Variants in ABI2 observed in about 807,000 individuals in gnomAD.
The protein encoded by ABI2 is abl interactor 2.
In ABI2, 25 loss-of-function variants were observed where a neutral mutation model predicts 59.2. That is an observed-to-expected ratio of 0.42 (90% confidence interval 0.31 to 0.59). The LOEUF (loss-of-function observed/expected upper bound fraction) is 0.59. Ranked by LOEUF, ABI2 falls within the 20% of genes least tolerant of loss-of-function variation. The pLI is 0.14. For missense variants in ABI2, 545 were observed against 681.8 expected (o/e 0.80, Z 2.23); for synonymous variants, 213 against 235.5 (o/e 0.90, Z 0.87).
chr2:203,335,093 G>A (rs191382650), intron 1 of ABI2, among the ~76,000 whole-genome samples: 6 of 152,142 alleles, frequency 3.9e-5, no homozygotes, highest in Admixed American at 2.0e-4. Flanking sequence ...TTCCAGATAC[G>A]AAGCTCCTAG....
chr2:203,384,310 T>TTTG (rs1559289622), intron 4 of ABI2, among the ~76,000 whole-genome samples: 1 of 139,668 alleles, frequency 7.2e-6, no homozygotes, highest in African/African-American at 2.9e-5. Context: ...TTTTTTTTTT[T>TTTG]TTTTTTTTTT....
At chr2:203,374,045 G>C (rs147497158) in intron 2 of ABI2, among the ~76,000 whole-genome samples, 2 of 152,098 alleles carry the variant, frequency 1.3e-5, no homozygotes, top group Non-Finnish European at 2.9e-5. Flanking sequence ...TGTAGTCCCA[G>C]CTACTCAGGA....
intron 2 of ABI2, among the ~76,000 whole-genome samples, chr2:203,372,119 T>C (rs1440468854): frequency 5.3e-5 from 8 of 151,622 alleles, no homozygotes; most frequent in Non-Finnish European, 1.0e-4. Flanking sequence ...GATTAGGGAG[T>C]GGTGATGACT....
intron 11 of ABI2, among the ~76,000 whole-genome samples, chr2:203,422,353 C>G (rs552343943): frequency 4.6e-4 from 70 of 152,252 alleles, no homozygotes; most frequent in Admixed American, 1.6e-3. Flanking sequence ...CTTAGAAAAT[C>G]TCAGGTACCC....
intron 4 of ABI2, chr2:203,383,359 T>G (rs2096257653): frequency 6.5e-6 from 1 of 154,792 alleles, no homozygotes; most frequent in South Asian, 2.0e-4. Context: ...ATCCTTTTGC[T>G]TGAAATAGGT....
At chr2:203,426,000 G>A (rs542917921) in intron 11 of ABI2, among the ~76,000 whole-genome samples, 84 of 145,580 alleles carry the variant, frequency 5.8e-4, no homozygotes, top group Non-Finnish European at 1.1e-3. Context: ...CAGCCTGGGC[G>A]ATAAGAGTGA....
intron 1 of ABI2, among the ~76,000 whole-genome samples, chr2:203,356,449 A>G (rs1576711171): frequency 6.6e-6 from 1 of 151,768 alleles, no homozygotes; most frequent in Non-Finnish European, 1.5e-5. Context: ...GCTCACTGCA[A>G]CCTCTTCCTC....
chr2:203,356,341 G>C (rs1469597397), intron 1 of ABI2, among the ~76,000 whole-genome samples: 1 of 151,944 alleles, frequency 6.6e-6, no homozygotes, highest in East Asian at 1.9e-4. Flanking sequence ...ATCACACCAG[G>C]CTAATTTTTT....
chr2:203,408,635 T>C (rs17410408), intron 9 of ABI2, among the ~76,000 whole-genome samples: 7,900 of 151,826 alleles, frequency 0.052, 279 homozygotes, highest in Non-Finnish European at 0.082. Flanking sequence ...TCATTTTTTA[T>C]ATTTGGTAGA....
chr2:203,352,644 C>T (rs930258296), intron 1 of ABI2, among the ~76,000 whole-genome samples: 1 of 151,622 alleles, frequency 6.6e-6, no homozygotes, highest in African/African-American at 2.4e-5. Context: ...ATTTTTATTA[C>T]AACAGTCAAA....
At chr2:203,339,108 T>TA in intron 1 of ABI2, among the ~76,000 whole-genome samples, 1 of 148,920 alleles carries the variant, frequency 6.7e-6, no homozygotes, top group Non-Finnish European at 1.5e-5. Flanking sequence ...GTCCAACAGG[T>TA]ATGTGAAAAT....
chr2:203,380,272 A>T lies in ABI2; in HGVS notation c.350A>T (p.Asn117Ile), dbSNP rs747297124. 6.2e-7 allele frequency: 1 copy of T among 1,602,308 alleles called. No homozygotes were observed. Among genetic ancestry groups the T allele is most frequent in the Non-Finnish European group, 8.5e-7 (1 of 1,176,190 alleles). The change falls in exon 3 of 12, where the codon AAC becomes ATC. Residue 117 changes from asparagine (N) to isoleucine (I), a missense_variant. This residue lies in a region of ABI2 where 36 missense variants were observed against 80.0 expected (regional missense o/e 0.45). Coordinates refer to ENST00000261018, the MANE Select transcript of ABI2 (RefSeq NM_001375670.1). ...ATTGGTATTTTGACTACCAATAAAA[A>T]CACTTCAAGGACACATAAGATTATT... ...REIGILTTNKNTSRTHKIIAP... is the reference protein window; with the variant it reads ...REIGILTTNKITSRTHKIIAP...
intron 1 of ABI2, among the ~76,000 whole-genome samples, chr2:203,353,060 T>A (rs921000829): frequency 3.3e-5 from 5 of 152,238 alleles, no homozygotes; most frequent in Non-Finnish European, 5.9e-5. Flanking sequence ...CTCTGTGATG[T>A]TTGCACAGTG....
At chr2:203,408,839 T>G (rs1434918278) in intron 9 of ABI2, among the ~76,000 whole-genome samples, 1 of 85,862 alleles carries the variant, frequency 1.2e-5, no homozygotes, top group African/African-American at 3.4e-5. Context: ...CTTTCTTTTT[T>G]TTTTTTTTTT....
intron 2 of ABI2, among the ~76,000 whole-genome samples, chr2:203,370,931 T>C (rs184704492): frequency 7.5e-4 from 114 of 152,334 alleles, no homozygotes; most frequent in Middle Eastern, 3.4e-3. Context: ...GTAAGAACTT[T>C]ACCACCTTTC....
At chr2:203,393,042 T>C (rs1364780041) in intron 5 of ABI2, among the ~76,000 whole-genome samples, 1 of 152,202 alleles carries the variant, frequency 6.6e-6, no homozygotes, top group African/African-American at 2.4e-5. Flanking sequence ...TAATTTTTAC[T>C]TGGATGCAAC....
intron 4 of ABI2, among the ~76,000 whole-genome samples, 186 bp from the exon 5 acceptor site, chr2:203,390,860 A>G (rs1369105843): frequency 6.6e-6 from 1 of 152,226 alleles, no homozygotes; most frequent in Non-Finnish European, 1.5e-5. Flanking sequence ...CATGTTAGGA[A>G]GAGTCCTTTG....
chr2:203,427,476 T>A lies in ABI2; in HGVS notation c.*124T>A, dbSNP rs2098450055. ...TACAAATGATAAAAATTACACTTTTTTTTTTGGTTTATTCCCCAGTATTAA... is the reference window on the plus strand; with the variant it reads ...TACAAATGATAAAAATTACACTTTTATTTTTGGTTTATTCCCCAGTATTAA... On this transcript the variant is annotated 3_prime_UTR_variant, in exon 12 of 12. Transcript: ENST00000261018. 1.1e-6 allele frequency: 1 copy of A among 935,062 alleles called. No homozygotes were observed. Among genetic ancestry groups the A allele is most frequent in the Non-Finnish European group, 1.5e-6 (1 of 650,982 alleles). 57.9% of individuals were successfully genotyped at this position (935,062 alleles called of 1,614,324 possible).
intron 2 of ABI2, 57 bp downstream of exon 2, chr2:203,367,101 G>T: frequency 1.3e-6 from 2 of 1,515,224 alleles, no homozygotes; most frequent in South Asian, 1.4e-5. Flanking sequence ...ATAAACACAG[G>T]CTATCTGTAA....
Sources: allele counts gnomAD v4.1 joint callset (sites outside exome capture counted in the v4.1 genomes callset), GRCh38; gene constraint gnomAD v4.1.1; regional missense constraint gnomAD v4.1.1; transcripts MANE v1.5; gene names NCBI Gene and HGNC (gene_info 2026-07-23, HGNC 2026-07-21).